SVEP1: variants seen among roughly 807,000 people sequenced by gnomAD.
SVEP1 encodes the protein sushi, von Willebrand factor type A, EGF and pentraxin domain-containing protein 1.
A neutral mutation model predicts 367.3 loss-of-function variants in SVEP1; 164 were observed. That is an observed-to-expected ratio of 0.45 (90% CI 0.39 to 0.51). The LOEUF (loss-of-function observed/expected upper bound fraction) is 0.51, where lower values mean the gene tolerates loss of function less well. Ranked by LOEUF, SVEP1 falls within the 20% of genes least tolerant of loss-of-function variation. SVEP1 has a pLI of 0.00. For synonymous variants in SVEP1, 1,666 were observed against 1,611.6 expected, an observed-to-expected ratio of 1.03 and a Z score of -0.81; for missense variants, 4,117 against 4,425.3, an observed-to-expected ratio of 0.93 and a Z score of 1.98.
intron 39 of SVEP1, among the ~76,000 whole-genome samples, chr9:110,401,835 A>C (rs952737625): frequency 9.2e-5 from 14 of 152,014 alleles, no homozygotes; most frequent in African/African-American, 3.4e-4. Flanking sequence ...TATCTCTTGA[A>C]GATTGTTATT....
chr9:110,549,727 G>A (rs928770382), intron 2 of SVEP1, 122 bp downstream of exon 2: 3 of 1,258,412 alleles, frequency 2.4e-6, no homozygotes, highest in Non-Finnish European at 3.3e-6. Flanking sequence ...AGGACACATG[G>A]GCATCATATT....
At chr9:110,569,872 A>G (rs1284100937) in intron 1 of SVEP1, among the ~76,000 whole-genome samples, 1 of 152,246 alleles carries the variant, frequency 6.6e-6, no homozygotes, top group Non-Finnish European at 1.5e-5. Context: ...CCCTTTACAG[A>G]AATAAACTAT....
rs746938382 is a variant in SVEP1 at position 110,472,269 on chromosome 9, A to C, written c.2654T>G (p.Leu885Arg). 1 of 1,612,236 alleles carries C rather than the reference A, an allele frequency of 6.2e-7. No individual in the cohort carries two copies. The highest frequency in any genetic ancestry group is 8.5e-7 in the Non-Finnish European group (1 of 1,179,520). ...TGTGGCTGTTTCTTGCACAGTGTCC[A>C]GGAAGTCATCGTAAGAGTAATCCAG... The part of the protein sequence containing the change: ...NRLDYSYDDF[L>R]DTVQETATSI... Residue 885 changes from leucine (L) to arginine (R), a missense_variant, in exon 15 of 48, where the codon CTG becomes CGG. By Grantham distance (102) the Leu-to-Arg change is moderately radical. Coordinates refer to ENST00000374469, the MANE Select transcript of SVEP1 (RefSeq NM_153366.4).
rs1302872417 is a variant in SVEP1, at chr9:110,491,589, G to GT, written c.1801-1811_1801-1810insA. On this transcript the variant is annotated intron_variant, in intron 8 of 47. Coordinates refer to ENST00000374469, the MANE Select transcript of SVEP1 (RefSeq NM_153366.4). ...ATAGCATTACATATTTTATAGAATG[G>GT]GGTGTGTGTGTGTGTGTGTGTGTGT... Among the ~76,000 whole-genome samples the GT allele has an allele frequency of 1.0e-3, 101 of 97,190 alleles. 1 individual carries two copies. The highest frequency in any genetic ancestry group is 6.9e-3 in the East Asian group (21 of 3,058). The allele number at this position is 97,190 out of a possible 152,430, so 63.8% of individuals were successfully genotyped here. A position where few individuals can be genotyped will look rare whatever the true frequency, so the allele number is the denominator to read the frequency against.
At chr9:110,442,038 G>A (rs889698392) in intron 27 of SVEP1, among the ~76,000 whole-genome samples, 4 of 152,088 alleles carry the variant, frequency 2.6e-5, no homozygotes, top group Non-Finnish European at 4.4e-5. Context: ...TTTTTCTAGC[G>A]CTTTCAACAA....
Position 110,499,227 on chromosome 9 carries a change from A to T in SVEP1, c.1495T>A (p.Ser499Thr). 1 of 1,613,034 alleles carries T rather than the reference A, an allele frequency of 6.2e-7. No individual in the cohort carries two copies. ...PEPRCVERHC[S>T]TFQMPKDVII... ...ACATCTTTGGGCATCTGAAAGGTGGAACAGTGGCGCTCTACGGTAGGGAAA... is the reference window on the plus strand; with the variant it reads ...ACATCTTTGGGCATCTGAAAGGTGGTACAGTGGCGCTCTACGGTAGGGAAA... Residue 499 changes from serine to threonine, a missense_variant, in exon 7 of 48, where the codon TCC (serine) becomes ACC (threonine). Around this residue, in one of 4 missense-constraint regions of SVEP1, gnomAD observed 2,174 missense variants for 2,494.3 expected, o/e 0.87. Transcript: ENST00000374469.
chr9:110,373,075 AATG>A lies in SVEP1; in HGVS notation c.10600+2290_10600+2292del, dbSNP rs569454588. 9.9e-5 allele frequency among the ~76,000 whole-genome samples: 15 copies of A among 152,244 alleles called. No individual in the cohort carries two copies. The South Asian group carries it at 3.1e-3, about 32-fold the overall frequency. On this transcript the variant is annotated intron_variant, in intron 46 of 47. Transcript: ENST00000374469. Reference sequence around the variant, plus strand: ...ATGCTGAGCAGGAAGGAACAAAAATAATGATGGTGCTGTAACCTCAGATGAAAG... The same window carrying A: ...ATGCTGAGCAGGAAGGAACAAAAATAATGGTGCTGTAACCTCAGATGAAAG...
intron 16 of SVEP1, among the ~76,000 whole-genome samples, chr9:110,470,024 C>T (rs142372146): frequency 3.9e-5 from 6 of 152,290 alleles, no homozygotes; most frequent in East Asian, 3.9e-4. Flanking sequence ...CAAGAACCCA[C>T]GTTTATGGAG....
At chr9:110,511,407 T>A (rs1039795082) in intron 5 of SVEP1, among the ~76,000 whole-genome samples, 2 of 151,768 alleles carry the variant, frequency 1.3e-5, no homozygotes, top group African/African-American at 4.8e-5. Flanking sequence ...TTTTTTTGAT[T>A]GACCTTCAAA....
intron 41 of SVEP1, 109 bp downstream of exon 41, chr9:110,389,415 G>A (rs1827588827): frequency 1.5e-6 from 2 of 1,339,190 alleles, no homozygotes; most frequent in Non-Finnish European, 2.1e-6. Context: ...GGCTTATGGA[G>A]TTGGCTTACA....
At position 110,446,950 on chromosome 9, in the gene SVEP1, G is replaced by T; in HGVS notation, c.4211C>A (p.Ser1404Ter). The change falls in exon 25 of 48, where the codon TCA becomes TAA. Residue 1404 changes from serine to a stop codon, truncating the protein, a stop_gained. Transcript: ENST00000374469. LOFTEE classifies it high-confidence loss of function. Reference protein sequence around the residue: ...NQATCVDELNSYSCKCQPGFS... With the variant: ...NQATCVDELN ...TCCTGGCTGACATTTACAACTGTAT[G>T]AATTTAATTCATCCACACAGGTGGC... 6.5e-7 allele frequency: 1 copy of T among 1,545,004 alleles called. No individual in the cohort carries two copies.
At chr9:110,509,149 A>G (rs10980417) in intron 5 of SVEP1, among the ~76,000 whole-genome samples, 17,830 of 152,256 alleles carry the variant, frequency 0.12, 1,116 homozygotes, top group African/African-American at 0.15. Flanking sequence ...TTTATGTGCC[A>G]CTAACAAAGA....
At chr9:110,487,166 G>T (rs1276763649) in intron 9 of SVEP1, among the ~76,000 whole-genome samples, 1 of 152,108 alleles carries the variant, frequency 6.6e-6, no homozygotes, top group Non-Finnish European at 1.5e-5. Flanking sequence ...ACATTGGTCA[G>T]GCTGGTCTGG....
rs765233901 is a variant in SVEP1, at chr9:110,471,390, C to A, written c.2972G>T (p.Gly991Val). The change falls in exon 16 of 48, where the codon GGC (glycine) becomes GTC (valine). Residue 991 changes from glycine (G) to valine (V), a missense_variant. Around this residue, in one of 4 missense-constraint regions of SVEP1, gnomAD observed 2,174 missense variants for 2,494.3 expected, o/e 0.87. Transcript: ENST00000374469. Reference protein sequence around the residue: ...TKKASPFCRPGSVLRGRMCVN... With the variant: ...TKKASPFCRPVSVLRGRMCVN... ...ACACATACGCCCTCTCAGCACTGAG[C>A]CTGGTCTGCAGAAGGGGGAAGCCTT... 21 of 1,613,862 alleles carry A rather than the reference C, an allele frequency of 1.3e-5. No individual in the cohort carries two copies. The highest frequency in any genetic ancestry group is 1.7e-5 in the Admixed American group (1 of 60,000).
intron 47 of SVEP1, among the ~76,000 whole-genome samples, chr9:110,368,691 T>C (rs969837151): frequency 6.6e-6 from 1 of 152,182 alleles, no homozygotes; most frequent in African/African-American, 2.4e-5. Flanking sequence ...TTCTCTTTTA[T>C]TTCCTCTCTT....
In SVEP1 at chr9:110,413,287, A is replaced by G. The variant is rs1360306603; in HGVS notation, c.5976-1552T>C. ...ATCATCATTCTCAGTAAACTATCACAAGAACAAAAAACCAAACACCGCATA... is the reference window on the plus strand; with the variant it reads ...ATCATCATTCTCAGTAAACTATCACGAGAACAAAAAACCAAACACCGCATA... On this transcript the variant is annotated intron_variant, in intron 36 of 47. Transcript: ENST00000374469. Among the ~76,000 whole-genome samples the G allele has an allele frequency of 6.7e-5, 10 of 149,630 alleles. No homozygotes were observed. The East Asian group carries it at 1.8e-3, about 27-fold the overall frequency.
At chr9:110,578,204 G>A (rs1830647344) in intron 1 of SVEP1, among the ~76,000 whole-genome samples, 1 of 152,078 alleles carries the variant, frequency 6.6e-6, no homozygotes, top group Non-Finnish European at 1.5e-5. Flanking sequence ...TGCACGCAAT[G>A]GAATAGTATG....
intron 3 of SVEP1, among the ~76,000 whole-genome samples, chr9:110,517,749 C>CT (rs1045587258): frequency 3.9e-5 from 3 of 76,678 alleles, no homozygotes; most frequent in African/African-American, 1.6e-4. Flanking sequence ...GAACCTGGCT[C>CT]TTAAAAAAAA....
chr9:110,514,018 T>A lies in SVEP1; in HGVS notation c.1053A>T (p.Pro351=). ...AGTCTTCAGGGGATGTGCTTCCAGG[T>A]GGAGAGGTGTGATTTTCATCAGGAC... ...IPCPDENHTS[P]PGSTSPEDCV... is the part of the protein sequence containing the mutation. The change falls in exon 4 of 48, where the codon CCA becomes CCT. Residue 351 remains proline, a synonymous_variant. Coordinates refer to ENST00000374469, the MANE Select transcript of SVEP1 (RefSeq NM_153366.4). 1.2e-6 allele frequency: 2 copies of A among 1,612,244 alleles called. No homozygotes were observed. The highest frequency in any genetic ancestry group is 1.7e-6 in the Non-Finnish European group (2 of 1,179,228).
Sources: gnomAD v4.1 joint callset for allele counts (sites outside exome capture counted in the v4.1 genomes callset) on GRCh38, gnomAD v4.1.1 for gene constraint, gnomAD v4.1.1 regional missense constraint, MANE v1.5 for transcripts, NCBI Gene and HGNC (gene_info 2026-07-23, HGNC 2026-07-21) for gene names.